Variants in FHAD1 observed in about 807,000 individuals in gnomAD.
FHAD1 encodes forkhead associated phosphopeptide binding domain 1.
FHAD1 carries 146 observed loss-of-function variants against 191.3 expected under a neutral mutation model. That is an observed-to-expected ratio of 0.76 (90% CI 0.67 to 0.88). FHAD1 has a LOEUF of 0.88. Among genes scored for constraint, FHAD1 ranks in the 40% least tolerant of loss-of-function variants. FHAD1 has a pLI of 0.00. For missense variants in FHAD1, 1,635 were observed against 1,785.8 expected, an observed-to-expected ratio of 0.92 and a Z score of 1.52; for synonymous variants, 616 against 672.3, an observed-to-expected ratio of 0.92 and a Z score of 1.29.
intron 21 of FHAD1, 22 bp downstream of exon 21, chr1:15,358,305 A>G (rs1693529771): frequency 1.3e-6 from 2 of 1,519,088 alleles, no homozygotes; most frequent in Non-Finnish European, 1.8e-6. Context: ...CCTTCCGGGA[A>G]CGGGAGAATT....
At chr1:15,293,523 G>T (rs113062067) in intron 4 of FHAD1, among the ~76,000 whole-genome samples, 1,854 of 152,172 alleles carry the variant, frequency 0.012, 14 homozygotes, top group Non-Finnish European at 0.018. Flanking sequence ...TCTGAGACCA[G>T]CCTGACTAAC....
At chr1:15,361,623 G>A (rs1188022932) in intron 22 of FHAD1, among the ~76,000 whole-genome samples, 4 of 152,126 alleles carry the variant, frequency 2.6e-5, no homozygotes, top group Admixed American at 1.3e-4. Flanking sequence ...GCCCTGACAG[G>A]TGATCCAGGA....
Position 15,272,543 on chromosome 1 carries a change from A to C in FHAD1, c.300+14A>C. On this transcript the variant is annotated intron_variant, in intron 3 of 33. Coordinates refer to ENST00000688493, the MANE Select transcript of FHAD1 (RefSeq NM_001391957.1). ...AATCCACCTCCGGTGAGTCCGGGCCACTGGGGGATAGAGGGGCCATGTCGC... is the reference window on the plus strand; with the variant it reads ...AATCCACCTCCGGTGAGTCCGGGCCCCTGGGGGATAGAGGGGCCATGTCGC... The C allele has an allele frequency of 5.2e-6, 8 of 1,536,576 alleles. No individual in the cohort carries two copies. The highest frequency in any genetic ancestry group is 7.0e-6 in the Non-Finnish European group (8 of 1,136,066).
At chr1:15,392,628 C>G (rs1314371523) in intron 33 of FHAD1, among the ~76,000 whole-genome samples, 1 of 152,186 alleles carries the variant, frequency 6.6e-6, no homozygotes, top group Non-Finnish European at 1.5e-5. Flanking sequence ...ATGGAGTCAT[C>G]ATGACCACCC....
chr1:15,261,319 C>T (rs1463350995), intron 2 of FHAD1, among the ~76,000 whole-genome samples: 3 of 152,126 alleles, frequency 2.0e-5, no homozygotes, highest in Admixed American at 2.0e-4. Flanking sequence ...GTCAGGCTGT[C>T]TGGGACCGTG....
exon 1 of FHAD1, among the ~76,000 whole-genome samples, chr1:15,236,613 A>G (rs569368194): frequency 6.6e-6 from 1 of 152,346 alleles, no homozygotes; most frequent in South Asian, 2.1e-4. Context: ...GAGAAGATGT[A>G]AGGACTGGAG....
intron 4 of FHAD1, among the ~76,000 whole-genome samples, chr1:15,295,029 G>A (rs151050050): frequency 1.2e-4 from 18 of 152,338 alleles, no homozygotes; most frequent in African/African-American, 4.1e-4. Flanking sequence ...ATGGAATAAT[G>A]ATGAGATTGT....
intron 1 of FHAD1, among the ~76,000 whole-genome samples, chr1:15,241,234 C>A (rs1463443663): frequency 6.6e-6 from 1 of 152,154 alleles, no homozygotes; most frequent in African/African-American, 2.4e-5. Flanking sequence ...AATGAATGAA[C>A]CACAGCTACT....
intron 28 of FHAD1, among the ~76,000 whole-genome samples, chr1:15,376,983 G>A (rs1414044592): frequency 2.0e-5 from 3 of 152,144 alleles, no homozygotes; most frequent in Non-Finnish European, 2.9e-5. Flanking sequence ...TGAGGCTACA[G>A]TGAGCTATGA....
At chr1:15,298,073 G>T (rs1242938511) in intron 5 of FHAD1, among the ~76,000 whole-genome samples, 2 of 152,106 alleles carry the variant, frequency 1.3e-5, no homozygotes, top group Non-Finnish European at 2.9e-5. Context: ...AAAGATACTT[G>T]CACATGCCTG....
At chr1:15,248,679 G>A (rs916391724) in intron 1 of FHAD1, among the ~76,000 whole-genome samples, 3 of 151,900 alleles carry the variant, frequency 2.0e-5, no homozygotes, top group East Asian at 1.9e-4. Flanking sequence ...TCTGCTGCAC[G>A]GTTTCAAGTG....
chr1:15,335,061 T>G (rs932584979), intron 14 of FHAD1, among the ~76,000 whole-genome samples: 2 of 152,170 alleles, frequency 1.3e-5, no homozygotes, highest in African/African-American at 4.8e-5. Flanking sequence ...AGGATGGAAA[T>G]CCTGAAACGA....
intron 26 of FHAD1, among the ~76,000 whole-genome samples, 170 bp downstream of exon 26, chr1:15,369,672 G>A (rs886226470): frequency 2.0e-5 from 3 of 152,234 alleles, no homozygotes; most frequent in African/African-American, 7.2e-5. Context: ...ACAGTCACCA[G>A]AGGTCACAGC....
chr1:15,345,602 TG>T, intron 18 of FHAD1, 79 bp downstream of exon 18: 2 of 1,145,164 alleles, frequency 1.7e-6, no homozygotes, highest in South Asian at 1.3e-5. Flanking sequence ...GCGGCGATGA[TG>T]GGGGTGAGAT....
rs1310834903 is a variant in FHAD1 at position 15,397,710 on chromosome 1, A to T, written c.*297A>T. On this transcript the variant is annotated 3_prime_UTR_variant, in exon 34 of 34. Coordinates refer to ENST00000688493, the MANE Select transcript of FHAD1 (RefSeq NM_001391957.1). ...ATTATGTGGTCCACGTTGGGTCATG[A>T]TGTTCCCAAATATCAAACCTCCTAA... 1 of 192,590 alleles carries T rather than the reference A, an allele frequency of 5.2e-6. No individual in the cohort carries two copies. The highest frequency in any genetic ancestry group is 2.3e-5 in the African/African-American group (1 of 43,228). The allele number at this position is 192,590 out of a possible 1,614,324, so 11.9% of individuals were successfully genotyped here. A position where few individuals can be genotyped will look rare whatever the true frequency, so the allele number is the denominator to read the frequency against.
rs887741120 is a variant in FHAD1, at chr1:15,308,523, C to G, written c.916-90C>G. 2.0e-6 allele frequency: 3 copies of G among 1,499,332 alleles called. No homozygotes were observed. In the African/African-American group the frequency reaches 4.2e-5, roughly 21 times the overall value. The allele number at this position is 1,499,332 out of a possible 1,614,324, so 92.9% of individuals were successfully genotyped here. A position where few individuals can be genotyped will look rare whatever the true frequency, so the allele number is the denominator to read the frequency against. ...CCCAACACCCCAGCCAAAACTCAAT[C>G]TGAATCTTTCTGTCAAGCTTGTGAG... is the stretch of plus-strand genomic sequence containing the variant. On this transcript the variant is annotated intron_variant, in intron 6 of 33. Transcript: ENST00000688493.
chr1:15,351,001 G>T (rs2102458325), intron 19 of FHAD1, among the ~76,000 whole-genome samples: 1 of 152,334 alleles, frequency 6.6e-6, no homozygotes, highest in South Asian at 2.1e-4. Flanking sequence ...TGAAGCTCAG[G>T]CTACAGCCAG....
At chr1:15,244,401 G>A (rs888787023), upstream of FHAD1, among the ~76,000 whole-genome samples, 16 of 152,172 alleles carry the variant, frequency 1.1e-4, no homozygotes, top group Admixed American at 9.8e-4. This position sits in a 1 kb window ranked among gnomAD's most constrained non-coding sequence, Gnocchi z 5.1. Flanking sequence ...AGGGGCATGG[G>A]CTGTTCCAGC....
chr1:15,328,975 C>G (rs551875401), intron 13 of FHAD1: 1 of 170,056 alleles, frequency 5.9e-6, no homozygotes, highest in South Asian at 1.8e-4. Flanking sequence ...AGCACTCTTT[C>G]AAATCAGGAA....
Sources: gnomAD v4.1 joint callset for allele counts (sites outside exome capture counted in the v4.1 genomes callset) on GRCh38, gnomAD v4.1.1 for gene constraint, Gnocchi (gnomAD v3.1) non-coding constraint, MANE v1.5 for transcripts, NCBI Gene and HGNC (gene_info 2026-07-23, HGNC 2026-07-21) for gene names.